The following CIITA variants were observed in gnomAD, a reference collection of about 807,000 sequenced individuals.
CIITA encodes MHC class II transactivator.
In CIITA, 72 loss-of-function variants were observed where a neutral mutation model predicts 115.1. The observed-to-expected ratio is 0.63, with a 90% CI of 0.52 to 0.76. CIITA has a LOEUF of 0.76. CIITA is among the 30% of genes least tolerant of loss of function. The probability of loss-of-function intolerance (pLI) is 0.00; values close to 1 mark genes in which losing one functional copy is unlikely to be tolerated. For synonymous variants in CIITA, 763 were observed against 635.6 expected, an observed-to-expected ratio of 1.20 and a Z score of -3.02; for missense variants, 1,617 against 1,463.8, an observed-to-expected ratio of 1.10 and a Z score of -1.71.
chr16:10,881,769 C>T (rs1261305063), intron 1 of CIITA, among the ~76,000 whole-genome samples: 1 of 152,176 alleles, frequency 6.6e-6, no homozygotes, highest in Non-Finnish European at 1.5e-5. Flanking sequence ...CCGCTACCAT[C>T]CATCTCCAGA....
At position 10,907,420 on chromosome 16, in the gene CIITA, G is replaced by A. The variant is rs2039245745; in HGVS notation, c.1928G>A (p.Gly643Asp). Residue 643 changes from glycine to aspartate, a missense_variant, in exon 11 of 20, where the codon GGC becomes GAC. Transcript: ENST00000324288. This position sits in a 1 kb window ranked among gnomAD's most constrained non-coding sequence, Gnocchi z 5.0. ...TCCACGCTCACGGGACTCTATGTCG[G>A]CCTGCTGGGCCGTGCAGCCCTCGAC... Reference protein sequence around the residue: ...LPSTLTGLYVGLLGRAALDSP... With the variant: ...LPSTLTGLYVDLLGRAALDSP... 1 of 1,612,992 alleles carries A rather than the reference G, an allele frequency of 6.2e-7. No homozygotes were observed. Among genetic ancestry groups the A allele is most frequent in the African/African-American group, 1.3e-5 (1 of 74,996 alleles).
intron 1 of CIITA, among the ~76,000 whole-genome samples, chr16:10,891,277 G>T (rs2037549610): frequency 6.6e-6 from 1 of 151,896 alleles, no homozygotes; most frequent in Admixed American, 6.6e-5. Context: ...CTTGGCAGGG[G>T]GAGTGGGGGA....
rs2040383567 is a variant in CIITA, at chr16:10,923,446, C to T, written c.*22+121C>T. 1.3e-6 allele frequency: 1 copy of T among 741,710 alleles called. No individual in the cohort carries two copies. The highest frequency in any genetic ancestry group is 2.0e-5 in the Admixed American group (1 of 50,370). 45.9% of individuals were successfully genotyped at this position (741,710 alleles called of 1,614,324 possible). A position where few individuals can be genotyped will look rare whatever the true frequency, so the allele number is the denominator to read the frequency against. On this transcript the variant is annotated intron_variant, in intron 19 of 19. Coordinates refer to ENST00000324288, the MANE Select transcript of CIITA (RefSeq NM_000246.4). The surrounding 1 kb of genome is among the most constrained non-coding windows in gnomAD (Gnocchi z 5.2). ...GGGGCTAGGCCACCACCCTTGGACG[C>T]ATGCGTCATCAGAGACATCCCCTCA...
Position 10,907,194 on chromosome 16 carries a change from G to A in CIITA, c.1702G>A (p.Gly568Ser), listed in dbSNP as rs749343874. The A allele has an allele frequency of 1.3e-4, 211 of 1,613,228 alleles. No individual in the cohort carries two copies. The highest frequency in any genetic ancestry group is 1.7e-4 in the Non-Finnish European group (204 of 1,179,964). Residue 568 changes from glycine to serine, a missense_variant, in exon 11 of 20, where the codon GGC becomes AGC. Transcript: ENST00000324288. The surrounding 1 kb of genome is among the most constrained non-coding windows in gnomAD (Gnocchi z 5.0). ...SKADALFELS[G>S]FSMEQAQAYV... ...GGCCGACGCCCTATTTGAGCTGTCC[G>A]GCTTCTCCATGGAGCAGGCCCAGGC...
At chr16:10,894,510 A>G (rs2037925319) in intron 1 of CIITA, among the ~76,000 whole-genome samples, 1 of 152,186 alleles carries the variant, frequency 6.6e-6, no homozygotes, top group Non-Finnish European at 1.5e-5. Context: ...TTTATGGGGT[A>G]TATGTGAATA....
intron 1 of CIITA, among the ~76,000 whole-genome samples, chr16:10,884,437 C>T (rs942255553): frequency 6.6e-6 from 1 of 152,288 alleles, no homozygotes; most frequent in Non-Finnish European, 1.5e-5. Flanking sequence ...ATTTATGAGA[C>T]AAAGTCTCAC....
In CIITA at chr16:10,942,245, G is replaced by GC; in HGVS notation, n.1377dup. 3 of 366,804 alleles carry GC rather than the reference G, an allele frequency of 8.2e-6. No homozygotes were observed. Among genetic ancestry groups the GC allele is most frequent in the Non-Finnish European group, 9.8e-6 (2 of 204,674 alleles). 22.7% of individuals were successfully genotyped at this position (366,804 alleles called of 1,614,324 possible). A position where few individuals can be genotyped will look rare whatever the true frequency, so the allele number is the denominator to read the frequency against. On this transcript the variant is annotated non_coding_transcript_exon_variant, in exon 2 of 2. Coordinates refer to the CIITA transcript ENST00000573379. The surrounding 1 kb of genome is among the most constrained non-coding windows in gnomAD (Gnocchi z 5.0). ...CTCGACCGCCCGGGCGGCGAGGCGG[G>GC]CCCCCCTGAAGTGGCCCGCGGCTGC...
intron 3 of CIITA, among the ~76,000 whole-genome samples, chr16:10,896,860 G>A (rs548827545): frequency 3.9e-5 from 6 of 152,354 alleles, no homozygotes; most frequent in Non-Finnish European, 8.8e-5. Context: ...GGAAGAAAAT[G>A]GAGGGGACTA....
chr16:10,904,406 G>C (rs1232772301), intron 9 of CIITA, among the ~76,000 whole-genome samples: 1 of 152,046 alleles, frequency 6.6e-6, no homozygotes, highest in Non-Finnish European at 1.5e-5. Context: ...AATTTCAGTA[G>C]AGACAAGTTT....
Position 10,884,077 on chromosome 16 carries a change from A to G in CIITA, c.52+6695A>G, listed in dbSNP as rs932938996. Among the ~76,000 whole-genome samples the G allele has an allele frequency of 5.1e-5, 7 of 138,320 alleles. No individual in the cohort carries two copies. The South Asian group carries it at 1.4e-3, about 28-fold the overall frequency. The allele number at this position is 138,320 out of a possible 152,430, so 90.7% of individuals were successfully genotyped here. Reference sequence around the variant, plus strand: ...TTGTACATTCTGTGGGTTTGGACAGATACATGATGTAATGTATATGACATT... The same window carrying G: ...TTGTACATTCTGTGGGTTTGGACAGGTACATGATGTAATGTATATGACATT... On this transcript the variant is annotated intron_variant, in intron 1 of 19. Transcript: ENST00000324288.
upstream of CIITA, among the ~76,000 whole-genome samples, chr16:10,873,617 A>G (rs1316131450): frequency 6.6e-6 from 1 of 152,144 alleles, no homozygotes; most frequent in Non-Finnish European, 1.5e-5. Flanking sequence ...CAAAGGTAGG[A>G]CTGAGCAGAA....
chr16:10,900,028 C>T (rs1287557114), intron 5 of CIITA, among the ~76,000 whole-genome samples: 1 of 152,080 alleles, frequency 6.6e-6, no homozygotes, highest in East Asian at 1.9e-4. Context: ...TTGCAGTGAG[C>T]TAAGATCACG....
Position 10,899,011 on chromosome 16 carries a change from G to A in CIITA, c.436+9G>A. 2 of 1,613,858 alleles carry A rather than the reference G, an allele frequency of 1.2e-6. No individual in the cohort carries two copies. The highest frequency in any genetic ancestry group is 1.7e-6 in the Non-Finnish European group (2 of 1,179,834). ...GAAAAGTCAGAAAAGACGTGAGTGA[G>A]CCCCTCCCTGATCCAACCTAGCCTT... On this transcript the variant is annotated intron_variant, in intron 5 of 19. Transcript: ENST00000324288.
intron 13 of CIITA, 78 bp downstream of exon 13, chr16:10,910,337 A>G (rs552441804): frequency 1.7e-6 from 2 of 1,173,208 alleles, no homozygotes; most frequent in East Asian, 2.5e-5. Context: ...TACCACCTGA[A>G]TGGAGATAGA....
chr16:10,909,151 A>C lies in CIITA; in HGVS notation c.2780A>C (p.Asp927Ala), dbSNP rs1479437376. 1 of 1,614,246 alleles carries C rather than the reference A, an allele frequency of 6.2e-7. No individual in the cohort carries two copies. The highest frequency in any genetic ancestry group is 1.3e-5 in the African/African-American group (1 of 75,072). The change falls in exon 12 of 20, where the codon GAT becomes GCT. Residue 927 changes from aspartate to alanine, a missense_variant. By Grantham distance (126) the Asp-to-Ala change is moderately radical. Transcript: ENST00000324288. ...CCTTTCAAAGCCAAGTCCCTGAAGG[A>C]TGTGGAAGACCTGGGAAAGCTTGTG... Reference protein sequence around the residue: ...IEPFKAKSLKDVEDLGKLVQT... With the variant: ...IEPFKAKSLKAVEDLGKLVQT...
Position 10,916,449 on chromosome 16 carries a change from G to C in CIITA, c.3052G>C (p.Glu1018Gln). ...SATFPQLKSL[E>Q]TLNLSQNNIT... ...CACCTTCCCCCAGCTGAAGTCCTTGGAAACCCTCAAGTGAGTGAGCTGGGC... is the reference window on the plus strand; with the variant it reads ...CACCTTCCCCCAGCTGAAGTCCTTGCAAACCCTCAAGTGAGTGAGCTGGGC... The change falls in exon 15 of 20, where the codon GAA (glutamate) becomes CAA (glutamine). Residue 1018 changes from glutamate to glutamine, a missense_variant. Physicochemically the swap from Glu to Gln is conservative, Grantham distance 29. Coordinates refer to ENST00000324288, the MANE Select transcript of CIITA (RefSeq NM_000246.4). 6.2e-7 allele frequency: 1 copy of C among 1,612,072 alleles called. No homozygotes were observed. The highest frequency in any genetic ancestry group is 1.3e-5 in the African/African-American group (1 of 74,990).
Position 10,923,418 on chromosome 16 carries a change from G to A in CIITA, c.*22+93G>A. ...ATTCAAAAAATGTGGGCGGGACACA[G>A]GTGGGGCTAGGCCACCACCCTTGGA... is the stretch of plus-strand genomic sequence containing the variant. On this transcript the variant is annotated intron_variant, in intron 19 of 19. Coordinates refer to ENST00000324288, the MANE Select transcript of CIITA (RefSeq NM_000246.4). The surrounding 1 kb of genome is among the most constrained non-coding windows in gnomAD (Gnocchi z 5.2). The A allele has an allele frequency of 2.1e-6, 2 of 965,790 alleles. No homozygotes were observed. Among genetic ancestry groups the A allele is most frequent in the South Asian group, 1.3e-5 (1 of 76,462 alleles). 59.8% of individuals were successfully genotyped at this position (965,790 alleles called of 1,614,324 possible). A position where few individuals can be genotyped will look rare whatever the true frequency, so the allele number is the denominator to read the frequency against.
chr16:10,886,338 A>G (rs746843696), intron 1 of CIITA, among the ~76,000 whole-genome samples: 10 of 152,058 alleles, frequency 6.6e-5, no homozygotes, highest in Admixed American at 1.3e-4. Context: ...ATTGTTCTCT[A>G]TGGAGTGCAG....
At chr16:10,899,093 C>T in intron 5 of CIITA, 91 bp downstream of exon 5, 1 of 1,244,432 alleles carries the variant, frequency 8.0e-7, no homozygotes, top group Middle Eastern at 2.4e-4. Context: ...AACTTGCTTC[C>T]CTCGCTAAGT....
Sources: gnomAD v4.1 joint callset for allele counts (sites outside exome capture counted in the v4.1 genomes callset) on GRCh38, gnomAD v4.1.1 for gene constraint, Gnocchi (gnomAD v3.1) non-coding constraint, MANE v1.5 for transcripts, NCBI Gene and HGNC (gene_info 2026-07-23, HGNC 2026-07-21) for gene names.